The following SGTB variants were observed in gnomAD, a reference collection of about 807,000 sequenced individuals.
SGTB encodes small glutamine-rich tetratricopeptide repeat-containing protein beta.
In SGTB, 19 loss-of-function variants were observed where a neutral mutation model predicts 43.9. The ratio of observed to expected loss-of-function variants is 0.43; its 90% CI spans 0.30 to 0.63. SGTB has a LOEUF of 0.63. Ranked by LOEUF, SGTB falls within the 30% of genes least tolerant of loss-of-function variation. The pLI is 0.12. For synonymous variants in SGTB, 116 were observed against 117.3 expected, an observed-to-expected ratio of 0.99 and a Z score of 0.07; for missense variants, 304 against 358.9, an observed-to-expected ratio of 0.85 and a Z score of 1.24.
intron 3 of SGTB, among the ~76,000 whole-genome samples, chr5:65,711,907 C>T (rs1019652472): frequency 2.0e-5 from 3 of 152,172 alleles, no homozygotes; most frequent in Non-Finnish European, 4.4e-5. Context: ...AGCTCAAGTA[C>T]GGAGTTAGAA....
intron 2 of SGTB, among the ~76,000 whole-genome samples, chr5:65,717,077 A>AATATATTAGGTGT: frequency 6.6e-6 from 1 of 152,322 alleles, no homozygotes; most frequent in Admixed American, 6.5e-5. Flanking sequence ...ATGACCATCA[A>AATATATTAGGTGT]CATTATCAAT....
chr5:65,711,294 C>T lies in SGTB; in HGVS notation c.204+1667G>A, dbSNP rs73763189. On this transcript the variant is annotated intron_variant, in intron 3 of 10. Coordinates refer to ENST00000381007, the MANE Select transcript of SGTB (RefSeq NM_019072.3). ...ATAATTAAATGCAATCAGGGAGATA[C>T]AGCAAAAGAAAGAAAAAGCTTTATT... Among the ~76,000 whole-genome samples, 1,325 of 150,268 alleles carry T rather than the reference C, an allele frequency of 8.8e-3. 22 individuals are homozygous for T. The highest frequency in any genetic ancestry group is 0.03 in the African/African-American group (1,219 of 40,802).
chr5:65,710,780 A>C (rs941687650), intron 3 of SGTB, among the ~76,000 whole-genome samples: 3 of 152,140 alleles, frequency 2.0e-5, no homozygotes, highest in Non-Finnish European at 2.9e-5. Flanking sequence ...TCATGAGGTC[A>C]GGAGTTCAAC....
intron 5 of SGTB, among the ~76,000 whole-genome samples, chr5:65,691,764 C>T (rs992112531): frequency 2.0e-5 from 3 of 151,210 alleles, no homozygotes; most frequent in African/African-American, 7.3e-5. Flanking sequence ...CACAGTGAAA[C>T]TAAAAATACA....
At chr5:65,698,566 A>T (rs186137344) in intron 5 of SGTB, among the ~76,000 whole-genome samples, 2 of 152,240 alleles carry the variant, frequency 1.3e-5, no homozygotes, top group African/African-American at 4.8e-5. Flanking sequence ...CCTTCTGTAC[A>T]GCAAAAGAAA....
At chr5:65,687,090 G>T (rs1431081682) in intron 5 of SGTB, among the ~76,000 whole-genome samples, 1 of 152,150 alleles carries the variant, frequency 6.6e-6, no homozygotes, top group African/African-American at 2.4e-5. Flanking sequence ...CTGAACCTGG[G>T]AATATAAACC....
intron 4 of SGTB, among the ~76,000 whole-genome samples, chr5:65,707,264 AAAAAC>A (rs2150720261): frequency 6.6e-6 from 1 of 152,144 alleles, no homozygotes; most frequent in East Asian, 1.9e-4. Context: ...CTGTCTCAAA[AAAAAC>A]AAAACAAAAG....
rs566431084 is a variant in SGTB at position 65,680,204 on chromosome 5, G to A, written c.681+290C>T. ...AGGATGGGAGGAGAGGAAGGATCAC[G>A]AAGAACAGCTAATAGATGCTGGGCT... On this transcript the variant is annotated intron_variant, in intron 8 of 10. Transcript: ENST00000381007. Among the ~76,000 whole-genome samples the A allele has an allele frequency of 3.0e-4, 46 of 152,302 alleles. No individual in the cohort carries two copies. In the South Asian group the frequency reaches 7.5e-3, roughly 25 times the overall value.
intron 6 of SGTB, among the ~76,000 whole-genome samples, chr5:65,681,241 C>A (rs954131797): frequency 5.1e-4 from 78 of 152,072 alleles, no homozygotes; most frequent in Non-Finnish European, 7.4e-5. Context: ...AACAGAGGAA[C>A]AATTAATATC....
At chr5:65,700,415 T>TC (rs1757789006) in intron 5 of SGTB, among the ~76,000 whole-genome samples, 1 of 152,090 alleles carries the variant, frequency 6.6e-6, no homozygotes, top group South Asian at 2.1e-4. Flanking sequence ...ATGCCTGTAA[T>TC]CCCAGCACTT....
At chr5:65,680,915 A>G in intron 6 of SGTB, 121 bp from the exon 7 acceptor site, 1 of 1,120,024 alleles carries the variant, frequency 8.9e-7, no homozygotes, top group Non-Finnish European at 1.2e-6. Flanking sequence ...CACTTAATTT[A>G]TTCACTGTAC....
At chr5:65,699,516 T>C (rs183159384) in intron 5 of SGTB, among the ~76,000 whole-genome samples, 4 of 152,224 alleles carry the variant, frequency 2.6e-5, no homozygotes, top group Non-Finnish European at 5.9e-5. Flanking sequence ...AAAAACCACA[T>C]GTACCCCCAA....
In SGTB at chr5:65,683,914, G is replaced by C. The variant is rs373031376; in HGVS notation, c.479+1454C>G. Among the ~76,000 whole-genome samples, 762 of 150,506 alleles carry C rather than the reference G, an allele frequency of 5.1e-3. 10 individuals carry two copies. The highest frequency in any genetic ancestry group is 0.018 in the African/African-American group (727 of 40,994). On this transcript the variant is annotated intron_variant, in intron 6 of 10. Coordinates refer to ENST00000381007, the MANE Select transcript of SGTB (RefSeq NM_019072.3). ...TAAGCTGAGATCGCGCCACTGCACT[G>C]CAGCCTGGGTGACAGAGCGAGACTC...
At chr5:65,673,217 G>C (rs186022747) in intron 8 of SGTB, among the ~76,000 whole-genome samples, 1 of 152,306 alleles carries the variant, frequency 6.6e-6, no homozygotes, top group East Asian at 1.9e-4. Context: ...TAATGTCTCA[G>C]TGTAACAATC....
chr5:65,709,545 ATTT>A (rs911653183), intron 3 of SGTB, among the ~76,000 whole-genome samples: 1 of 151,744 alleles, frequency 6.6e-6, no homozygotes, highest in Admixed American at 6.6e-5. Context: ...CACCCAGCTA[ATTT>A]TTGTATTTTT....
intron 8 of SGTB, 36 bp downstream of exon 8, chr5:65,680,458 C>T (rs1307633242): frequency 3.1e-6 from 5 of 1,595,342 alleles, no homozygotes; most frequent in Non-Finnish European, 4.2e-6. Context: ...CTATGGAAAA[C>T]ATAGCCAGTA....
At chr5:65,701,530 A>C (rs1330754023) in intron 5 of SGTB, among the ~76,000 whole-genome samples, 2 of 152,170 alleles carry the variant, frequency 1.3e-5, no homozygotes, top group African/African-American at 4.8e-5. Context: ...AAAAACATTA[A>C]AAGGCAAATA....
At chr5:65,709,310 C>T (rs1347465834) in intron 3 of SGTB, among the ~76,000 whole-genome samples, 1 of 151,276 alleles carries the variant, frequency 6.6e-6, no homozygotes, top group Non-Finnish European at 1.5e-5. Context: ...TTCACACACA[C>T]ATTAAAAACA....
intron 2 of SGTB, among the ~76,000 whole-genome samples, chr5:65,714,531 G>T (rs1758111590): frequency 6.6e-6 from 1 of 152,186 alleles, no homozygotes; most frequent in South Asian, 2.1e-4. Context: ...TCTGTCGTTG[G>T]AGGCCAGGTT....
Sources: allele counts gnomAD v4.1 joint callset (sites outside exome capture counted in the v4.1 genomes callset), GRCh38; gene constraint gnomAD v4.1.1; transcripts MANE v1.5; gene names NCBI Gene and HGNC (gene_info 2026-07-23, HGNC 2026-07-21).